FYB1: variants seen among roughly 807,000 people sequenced by gnomAD.
The protein encoded by FYB1 is FYN-binding protein 1.
A neutral mutation model predicts 94.1 loss-of-function variants in FYB1; 41 were observed. The ratio of observed to expected loss-of-function variants is 0.44; its 90% CI spans 0.34 to 0.57. The LOEUF (loss-of-function observed/expected upper bound fraction) is 0.57. FYB1 is among the 20% of genes least tolerant of loss of function. The pLI, the probability that FYB1 is intolerant of heterozygous loss-of-function variation, is 0.02. For synonymous variants in FYB1, 367 were observed against 353.2 expected, an observed-to-expected ratio of 1.04 and a Z score of -0.44; for missense variants, 1,050 against 976.8, an observed-to-expected ratio of 1.07 and a Z score of -1.00.
intron 2 of FYB1, among the ~76,000 whole-genome samples, chr5:39,199,045 A>G (rs1748075821): frequency 6.6e-6 from 1 of 151,832 alleles, no homozygotes; most frequent in Non-Finnish European, 1.5e-5. Context: ...TTAATAAAGA[A>G]TTTTCCCATC....
At chr5:39,197,765 G>A (rs1470344016) in intron 2 of FYB1, among the ~76,000 whole-genome samples, 1 of 152,160 alleles carries the variant, frequency 6.6e-6, no homozygotes, top group Non-Finnish European at 1.5e-5. Context: ...AAAATCTGGG[G>A]GCACTTGTGA....
At chr5:39,190,789 TGTGA>T (rs967318632) in intron 2 of FYB1, among the ~76,000 whole-genome samples, 12 of 151,682 alleles carry the variant, frequency 7.9e-5, no homozygotes, top group East Asian at 5.8e-4. Flanking sequence ...TGTGTGTGTG[TGTGA>T]GAGAGAGATG....
intron 2 of FYB1, chr5:39,169,432 C>T (rs1212074046): frequency 4.1e-6 from 3 of 740,390 alleles, no homozygotes; most frequent in African/African-American, 1.7e-5. Context: ...TTAAAAAGAA[C>T]AGGAACATTT....
chr5:39,234,814 C>T (rs1304151794), intron 1 of FYB1, among the ~76,000 whole-genome samples: 1 of 151,980 alleles, frequency 6.6e-6, no homozygotes, highest in Non-Finnish European at 1.5e-5. Flanking sequence ...ACCACATGTT[C>T]TTACTCATAA....
At chr5:39,110,473 G>C in intron 16 of FYB1, 84 bp from the exon 17 acceptor site, 1 of 842,244 alleles carries the variant, frequency 1.2e-6, no homozygotes, top group South Asian at 1.6e-5. Context: ...CAAAACACAA[G>C]AGAGTAATCA....
At chr5:39,224,862 T>G (rs1750406766) in intron 1 of FYB1, among the ~76,000 whole-genome samples, 1 of 152,178 alleles carries the variant, frequency 6.6e-6, no homozygotes, top group Non-Finnish European at 1.5e-5. Context: ...TCTTCCTGCT[T>G]TCTTCCAAGT....
intron 1 of FYB1, among the ~76,000 whole-genome samples, chr5:39,238,218 GTA>G (rs937851680): frequency 5.3e-5 from 8 of 151,832 alleles, no homozygotes; most frequent in African/African-American, 1.9e-4. Context: ...GTATATGTGT[GTA>G]TATATATGTA....
chr5:39,226,308 T>C (rs1750469105), intron 1 of FYB1, among the ~76,000 whole-genome samples: 1 of 152,176 alleles, frequency 6.6e-6, no homozygotes, highest in Non-Finnish European at 1.5e-5. Context: ...GTTCTGCCTC[T>C]AATCCTTTCT....
At chr5:39,115,428 A>C (rs1739474086) in intron 16 of FYB1, among the ~76,000 whole-genome samples, 2 of 152,118 alleles carry the variant, frequency 1.3e-5, no homozygotes, top group Admixed American at 6.6e-5. Flanking sequence ...ATGACAAGTA[A>C]ATAGTTTATA....
chr5:39,261,539 G>A (rs566812284), intron 1 of FYB1, among the ~76,000 whole-genome samples: 1 of 152,242 alleles, frequency 6.6e-6, no homozygotes, highest in Non-Finnish European at 1.5e-5. Context: ...TTGAGGTCAG[G>A]AGTTCAAGAC....
chr5:39,256,193 GGCATTTTTTCC>G (rs1751933144), intron 1 of FYB1, among the ~76,000 whole-genome samples: 1 of 152,128 alleles, frequency 6.6e-6, no homozygotes, highest in Non-Finnish European at 1.5e-5. Flanking sequence ...TGCCCAAGAA[GGCATTTTTTCC>G]TCACCTATAG....
At chr5:39,107,777 A>G (rs1738661767) in intron 18 of FYB1, among the ~76,000 whole-genome samples, 1 of 152,104 alleles carries the variant, frequency 6.6e-6, no homozygotes, top group African/African-American at 2.4e-5. Context: ...AAAGAGCAAG[A>G]CTCATAAGTT....
chr5:39,243,460 G>A (rs1388708799), intron 1 of FYB1, among the ~76,000 whole-genome samples: 2 of 151,786 alleles, frequency 1.3e-5, no homozygotes, highest in African/African-American at 2.4e-5. Context: ...TAGATGTGTG[G>A]TATTATTTCT....
At chr5:39,157,494 A>G (rs1743860901) in intron 2 of FYB1, among the ~76,000 whole-genome samples, 1 of 152,212 alleles carries the variant, frequency 6.6e-6, no homozygotes, top group African/African-American at 2.4e-5. Flanking sequence ...AGTAGGAAAT[A>G]GGCTCTTAAA....
intron 18 of FYB1, 92 bp downstream of exon 18, chr5:39,108,139 G>A: frequency 1.7e-6 from 2 of 1,197,640 alleles, no homozygotes; most frequent in South Asian, 2.9e-5. Context: ...GATCAGATTG[G>A]AAGTCTCTAA....
chr5:39,130,715 C>G (rs1340168726), intron 9 of FYB1, 103 bp from the exon 10 acceptor site: 1 of 942,118 alleles, frequency 1.1e-6, no homozygotes, highest in Admixed American at 2.2e-5. Flanking sequence ...AAATAACATT[C>G]CAGTCGAAAG....
At chr5:39,264,998 GCCCTGGAC>G (rs1752364843) in intron 1 of FYB1, among the ~76,000 whole-genome samples, 1 of 152,120 alleles carries the variant, frequency 6.6e-6, no homozygotes, top group Admixed American at 6.5e-5. Context: ...CCAAGCGTGG[GCCCTGGAC>G]CAGCAGCGTC....
rs80313250 is a variant in FYB1 at position 39,231,222 on chromosome 5, G to A, written c.-27-28235C>T. Among the ~76,000 whole-genome samples the A allele has an allele frequency of 6.9e-3, 1,045 of 150,982 alleles. 9 individuals carry two copies. Among genetic ancestry groups the A allele is most frequent in the African/African-American group, 0.023 (931 of 40,862 alleles). On this transcript the variant is annotated intron_variant, in intron 1 of 1. Coordinates refer to the FYB1 transcript ENST00000510188. ...ACCAGCTTCAGCTGCTGTTGCCCTG[G>A]GATTTCTGTGTTACCTTGGACAAGT...
chr5:39,109,081 A>G (rs184567537), intron 17 of FYB1, among the ~76,000 whole-genome samples: 2 of 152,260 alleles, frequency 1.3e-5, no homozygotes, highest in East Asian at 3.9e-4. Context: ...TCTAAAATTC[A>G]GAAATGTAGG....
Sources: allele counts gnomAD v4.1 joint callset (sites outside exome capture counted in the v4.1 genomes callset), GRCh38; gene constraint gnomAD v4.1.1; transcripts MANE v1.5; gene names NCBI Gene and HGNC (gene_info 2026-07-23, HGNC 2026-07-21).